USP42: variants seen among roughly 807,000 people sequenced by gnomAD.
The protein encoded by USP42 is ubiquitin specific peptidase 42.
Under a neutral mutation model 113.0 loss-of-function variants are expected in USP42, and 23 were observed. That is an observed-to-expected ratio of 0.20 (90% CI 0.15 to 0.29). The LOEUF (loss-of-function observed/expected upper bound fraction) is 0.29, where lower values mean the gene tolerates loss of function less well. Among genes scored for constraint, USP42 ranks in the 10% least tolerant of loss-of-function variants. The probability of loss-of-function intolerance (pLI) is 1.00; values close to 1 mark genes in which losing one functional copy is unlikely to be tolerated. For synonymous variants in USP42, 933 were observed against 699.0 expected (o/e 1.33, Z -5.28); for missense variants, 2,174 against 1,779.8 (o/e 1.22, Z -3.99).
upstream of USP42, among the ~76,000 whole-genome samples, chr7:6,104,565 G>C (rs1779141108): frequency 6.6e-6 from 1 of 152,260 alleles, no homozygotes; most frequent in South Asian, 2.1e-4. Flanking sequence ...CGCATCTGGG[G>C]TCAAGCGCAG....
chr7:6,122,322 G>GT (rs1251822534), intron 3 of USP42, among the ~76,000 whole-genome samples: 1 of 142,832 alleles, frequency 7.0e-6, no homozygotes, highest in African/African-American at 2.6e-5. Flanking sequence ...CACTCACTCT[G>GT]TTGCCTAGGC....
chr7:6,122,971 G>T, intron 3 of USP42, among the ~76,000 whole-genome samples: 1 of 151,794 alleles, frequency 6.6e-6, no homozygotes, highest in East Asian at 1.9e-4. Flanking sequence ...TTACAGGCAT[G>T]CGCCACCACA....
chr7:6,154,552 C>G lies in USP42; in HGVS notation c.2998C>G (p.Pro1000Ala), dbSNP rs979675084. ...RQDRHAPEHH[P>A]GHGDRLSPGE... ...GGACCGCCACGCCCCGGAGCACCACCCCGGCCACGGCGACAGGCTCAGCCC... is the reference window on the plus strand; with the variant it reads ...GGACCGCCACGCCCCGGAGCACCACGCCGGCCACGGCGACAGGCTCAGCCC... The change falls in exon 15 of 18, where the codon CCC (proline) becomes GCC (alanine). Residue 1000 changes from proline (P) to alanine (A), a missense_variant. By Grantham distance (27) the Pro-to-Ala change is conservative. Transcript: ENST00000306177. 1.3e-6 allele frequency: 2 copies of G among 1,548,196 alleles called. No individual in the cohort carries two copies.
At chr7:6,127,141 C>G (rs956405561) in intron 3 of USP42, among the ~76,000 whole-genome samples, 1 of 152,122 alleles carries the variant, frequency 6.6e-6, no homozygotes, top group Non-Finnish European at 1.5e-5. Flanking sequence ...TTTGGTGAAA[C>G]GTGCCTGTAT....
the USP42 span, among the ~76,000 whole-genome samples, chr7:6,092,078 C>CT: frequency 2.8e-5 from 1 of 35,506 alleles, no homozygotes; most frequent in African/African-American, 1.8e-4. Flanking sequence ...TCTTCTTCCT[C>CT]TTCCTCTTCT....
chr7:6,115,140 C>A (rs1185225496), intron 2 of USP42, among the ~76,000 whole-genome samples, 183 bp from the exon 3 acceptor site: 1 of 152,180 alleles, frequency 6.6e-6, no homozygotes, highest in Non-Finnish European at 1.5e-5. Flanking sequence ...GAAACCAGAT[C>A]ATTGAAAATT....
chr7:6,155,210 T>C lies in USP42; in HGVS notation c.3641+15T>C, dbSNP rs919716262. 2 of 1,514,244 alleles carry C rather than the reference T, an allele frequency of 1.3e-6. No homozygotes were observed. Among genetic ancestry groups the C allele is most frequent in the Non-Finnish European group, 1.8e-6 (2 of 1,138,768 alleles). The allele number at this position is 1,514,244 out of a possible 1,614,324, so 93.8% of individuals were successfully genotyped here. A position where few individuals can be genotyped will look rare whatever the true frequency, so the allele number is the denominator to read the frequency against. On this transcript the variant is annotated intron_variant, in intron 15 of 17. Transcript: ENST00000306177. ...CGCGACTCCAGGTGAGCCTGGGGCC[T>C]TGTGCTCCCCGAGGCGCTGGCGCTG...
intron 3 of USP42, among the ~76,000 whole-genome samples, chr7:6,127,054 G>A (rs1392480459): frequency 2.0e-5 from 3 of 152,104 alleles, no homozygotes; most frequent in Admixed American, 2.0e-4. Flanking sequence ...ACTCAGTGTG[G>A]CTTTCATTTG....
chr7:6,111,383 T>G lies in USP42; in HGVS notation c.241+9T>G. The G allele has an allele frequency of 6.2e-7, 1 of 1,606,176 alleles. No individual in the cohort carries two copies. The highest frequency in any genetic ancestry group is 1.7e-4 in the Middle Eastern group (1 of 6,040). On this transcript the variant is annotated intron_variant, in intron 2 of 17. Coordinates refer to ENST00000306177, the MANE Select transcript of USP42 (RefSeq NM_032172.3). ...ACCACAAAAGGATCAAGGTACTGTT[T>G]TTCAAAAGAGAGAATTACCGCCAGA... is the stretch of plus-strand genomic sequence containing the variant.
At chr7:6,084,984 G>A in the USP42 span, among the ~76,000 whole-genome samples, 14 of 151,170 alleles carry the variant, frequency 9.3e-5, no homozygotes, top group African/African-American at 3.5e-4. Context: ...CTCTCAGAGT[G>A]CTGCGATTAC....
At chr7:6,138,402 T>A (rs1018301835) in intron 4 of USP42, among the ~76,000 whole-genome samples, 1 of 152,150 alleles carries the variant, frequency 6.6e-6, no homozygotes, top group South Asian at 2.1e-4. Context: ...TTGAATGGAT[T>A]CTGTATTATA....
In USP42 at chr7:6,158,339, C is replaced by T. The variant is rs539499374; in HGVS notation, c.3944-1111C>T. ...TGACAGAAAGGGTTTGTCACCCCTG[C>T]CTGGACGCCCATTGTTTGTGTTCAC... On this transcript the variant is annotated intron_variant, in intron 16 of 17. Transcript: ENST00000306177. This position sits in a 1 kb window ranked among gnomAD's most constrained non-coding sequence, Gnocchi z 4.2. Among the ~76,000 whole-genome samples, 1 of 152,318 alleles carries T rather than the reference C, an allele frequency of 6.6e-6. No individual in the cohort carries two copies. Among genetic ancestry groups the T allele is most frequent in the East Asian group, 1.9e-4 (1 of 5,172 alleles).
At chr7:6,094,626 G>A in the USP42 span, among the ~76,000 whole-genome samples, 1 of 151,122 alleles carries the variant, frequency 6.6e-6, no homozygotes, top group African/African-American at 2.5e-5. Flanking sequence ...TCCAGTTTTT[G>A]CAGGGGTCAG....
At position 6,159,162 on chromosome 7, in the gene USP42, C is replaced by G. The variant is rs1442104331; in HGVS notation, c.3944-288C>G. ...TCTCTTTCAAACTCCTCCTCTGGCT[C>G]TGTTCCGCCCAGTTCAGTTCTTGGG... On this transcript the variant is annotated intron_variant, in intron 16 of 17. Coordinates refer to ENST00000306177, the MANE Select transcript of USP42 (RefSeq NM_032172.3). This position sits in a 1 kb window ranked among gnomAD's most constrained non-coding sequence, Gnocchi z 4.1. 6.6e-6 allele frequency among the ~76,000 whole-genome samples: 1 copy of G among 152,236 alleles called. No individual in the cohort carries two copies. Among genetic ancestry groups the G allele is most frequent in the Non-Finnish European group, 1.5e-5 (1 of 68,034 alleles).
chr7:6,140,890 T>G, intron 6 of USP42, 24 bp from the exon 7 acceptor site: 1 of 1,377,694 alleles, frequency 7.3e-7, no homozygotes, highest in Admixed American at 1.9e-5. Context: ...TTTGCTCATC[T>G]TTTGCATTTT....
chr7:6,104,849 C>T, upstream of USP42: 1 of 147,780 alleles, frequency 6.8e-6, no homozygotes, highest in South Asian at 1.9e-4. Flanking sequence ...GCGGCGCGTT[C>T]GGGCGCGGCC....
intron 3 of USP42, among the ~76,000 whole-genome samples, chr7:6,130,436 G>T (rs1463897096): frequency 6.6e-6 from 1 of 152,182 alleles, no homozygotes; most frequent in Non-Finnish European, 1.5e-5. Context: ...ACCCTCACCG[G>T]GGGCTGGGGA....
chr7:6,083,565 T>C, the USP42 span, among the ~76,000 whole-genome samples: 1 of 150,564 alleles, frequency 6.6e-6, no homozygotes, highest in East Asian at 1.9e-4. Context: ...CTTAAATACA[T>C]ATATATGTAT....
chr7:6,155,232 G>A (rs1180698090), intron 15 of USP42, 37 bp downstream of exon 15: 4 of 1,487,680 alleles, frequency 2.7e-6, no homozygotes, highest in Non-Finnish European at 2.7e-6. Flanking sequence ...AGGCGCTGGC[G>A]CTGCTGTCAG....
Sources: allele counts gnomAD v4.1 joint callset (sites outside exome capture counted in the v4.1 genomes callset), GRCh38; gene constraint gnomAD v4.1.1; non-coding constraint Gnocchi (gnomAD v3.1); transcripts MANE v1.5; gene names NCBI Gene and HGNC (gene_info 2026-07-23, HGNC 2026-07-21).